The following P4HA1 variants were observed in gnomAD, a reference collection of about 807,000 sequenced individuals.
The protein encoded by P4HA1 is prolyl 4-hydroxylase subunit alpha 1.
A neutral mutation model predicts 72.8 loss-of-function variants in P4HA1; 24 were observed. The ratio of observed to expected loss-of-function variants is 0.33; its 90% CI spans 0.24 to 0.46. P4HA1 has a LOEUF of 0.46. Ranked by LOEUF, P4HA1 falls within the 20% of genes least tolerant of loss-of-function variation. P4HA1 has a pLI of 1.00. For missense variants in P4HA1, 446 were observed against 640.6 expected (o/e 0.70, Z 3.28); for synonymous variants, 201 against 218.8 (o/e 0.92, Z 0.72).
At chr10:73,040,501 G>T in intron 9 of P4HA1, among the ~76,000 whole-genome samples, 2 of 139,640 alleles carry the variant, frequency 1.4e-5, no homozygotes, top group Admixed American at 7.3e-5. Context: ...TTTTTGAGAT[G>T]GATCTCTCTC....
intron 3 of P4HA1, among the ~76,000 whole-genome samples, 184 bp downstream of exon 3, chr10:73,073,547 C>T (rs1328935773): frequency 6.6e-6 from 1 of 152,164 alleles, no homozygotes; most frequent in Non-Finnish European, 1.5e-5. Context: ...CTTATCCCAA[C>T]CCATATTCTT....
At chr10:73,014,067 A>G (rs41315002) in intron 12 of P4HA1, among the ~76,000 whole-genome samples, 157 bp downstream of exon 12, 16,246 of 152,216 alleles carry the variant, frequency 0.11, 1,254 homozygotes, top group East Asian at 0.29. Flanking sequence ...AGCCTGAAAA[A>G]GTTGCAAGTG....
chr10:73,020,906 G>GGAT (rs756244683), intron 10 of P4HA1, among the ~76,000 whole-genome samples: 1 of 152,170 alleles, frequency 6.6e-6, no homozygotes, highest in Non-Finnish European at 1.5e-5. Flanking sequence ...AGGCCAAAGT[G>GGAT]GATGGATCAC....
Position 73,009,869 on chromosome 10 carries a change from C to G in P4HA1, c.1472G>C (p.Ser491Thr). The G allele has an allele frequency of 6.2e-7, 1 of 1,610,922 alleles. No individual in the cohort carries two copies. The highest frequency in any genetic ancestry group is 8.5e-7 in the Non-Finnish European group (1 of 1,177,094). Residue 491 changes from serine (S) to threonine (T), a missense_variant, in exon 14 of 15, where the codon AGT becomes ACT. Coordinates refer to ENST00000394890, the MANE Select transcript of P4HA1 (RefSeq NM_001017962.3). ...CCGTGTACTATAATCTCCTTCTCCA[C>G]TGGCAAACAGATTATACCAGAAAAC... ...TAVFWYNLFA[S>T]GEGDYSTRHA... is the part of the protein sequence containing the mutation.
chr10:73,074,727 G>GT, intron 2 of P4HA1, 81 bp downstream of exon 2: 1 of 780,144 alleles, frequency 1.3e-6, no homozygotes, highest in Non-Finnish European at 2.3e-6. Context: ...CACTGTATTT[G>GT]TTTTTGCTGA....
intron 5 of P4HA1, among the ~76,000 whole-genome samples, chr10:73,057,197 A>G (rs1413148133): frequency 1.3e-5 from 2 of 151,898 alleles, no homozygotes; most frequent in African/African-American, 4.8e-5. Context: ...GCTAGTTAAA[A>G]CACAAAGACA....
intron 10 of P4HA1, among the ~76,000 whole-genome samples, chr10:73,017,738 G>A (rs1229207115): frequency 6.6e-6 from 1 of 152,092 alleles, no homozygotes; most frequent in Admixed American, 6.6e-5. Flanking sequence ...CCAGTGTGAC[G>A]CACCAAAATT....
chr10:73,024,441 C>T (rs536051523), intron 10 of P4HA1, among the ~76,000 whole-genome samples: 63 of 152,208 alleles, frequency 4.1e-4, no homozygotes, highest in African/African-American at 1.5e-3. Flanking sequence ...TCTTTGAAAC[C>T]AATGAGAACA....
intron 4 of P4HA1, among the ~76,000 whole-genome samples, chr10:73,071,518 T>G (rs182544666): frequency 6.6e-6 from 1 of 152,222 alleles, no homozygotes; most frequent in East Asian, 1.9e-4. Flanking sequence ...CATCTGTTAT[T>G]AAAGTATCTA....
chr10:73,045,949 A>G (rs182189172), intron 8 of P4HA1, among the ~76,000 whole-genome samples: 21 of 152,150 alleles, frequency 1.4e-4, no homozygotes, highest in African/African-American at 5.1e-4. Context: ...TGTAGTATAG[A>G]TATCCAGATA....
chr10:73,028,294 C>T (rs1396274271), intron 10 of P4HA1, among the ~76,000 whole-genome samples: 3 of 142,066 alleles, frequency 2.1e-5, no homozygotes, highest in Non-Finnish European at 3.0e-5. Flanking sequence ...GGCATCAAAC[C>T]GTGTCACTGT....
At chr10:73,027,258 C>A (rs904207419) in intron 10 of P4HA1, among the ~76,000 whole-genome samples, 4 of 151,998 alleles carry the variant, frequency 2.6e-5, no homozygotes, top group Admixed American at 1.3e-4. Flanking sequence ...CCATGGAATA[C>A]CATGCAGCCA....
At chr10:73,091,982 C>A (rs936666680) in intron 1 of P4HA1, among the ~76,000 whole-genome samples, 1 of 152,200 alleles carries the variant, frequency 6.6e-6, no homozygotes, top group South Asian at 2.1e-4. Context: ...GTATACTCAG[C>A]TTCATCCCTC....
At chr10:73,047,173 T>C in intron 7 of P4HA1, 72 bp from the exon 8 acceptor site, 2 of 1,043,164 alleles carry the variant, frequency 1.9e-6, no homozygotes, top group East Asian at 2.6e-5. Context: ...CCTATGCAGA[T>C]AAGAGACAAT....
chr10:73,074,361 G>A lies in P4HA1; in HGVS notation c.76+447C>T, dbSNP rs147467876. On this transcript the variant is annotated intron_variant, in intron 2 of 14. Coordinates refer to ENST00000394890, the MANE Select transcript of P4HA1 (RefSeq NM_001017962.3). ...CCAGGCGTGGCAGCTCATGCCTGTC[G>A]TAATCCCAGCACTTTGGAGGCCCAG... 1.2e-4 allele frequency among the ~76,000 whole-genome samples: 19 copies of A among 152,140 alleles called. No homozygotes were observed. In the East Asian group the frequency reaches 2.1e-3, roughly 17 times the overall value.
At chr10:73,056,539 G>A (rs1254490096) in intron 5 of P4HA1, among the ~76,000 whole-genome samples, 1 of 152,038 alleles carries the variant, frequency 6.6e-6, no homozygotes, top group Non-Finnish European at 1.5e-5. Context: ...GGCTGAGGCA[G>A]GAGAATCACT....
intron 12 of P4HA1, among the ~76,000 whole-genome samples, chr10:73,012,753 A>G (rs1839933494): frequency 6.6e-6 from 1 of 152,178 alleles, no homozygotes; most frequent in Non-Finnish European, 1.5e-5. Context: ...AAAAGTGATG[A>G]AATAACCAAA....
intron 9 of P4HA1, among the ~76,000 whole-genome samples, chr10:73,031,416 T>C (rs548088858): frequency 6.6e-6 from 1 of 152,280 alleles, no homozygotes; most frequent in Non-Finnish European, 1.5e-5. Context: ...GCATGGGAGT[T>C]TGAGGCTGCA....
intron 4 of P4HA1, 22 bp downstream of exon 4, chr10:73,072,007 T>C (rs1360918573): frequency 6.4e-7 from 1 of 1,572,408 alleles, no homozygotes; most frequent in South Asian, 1.1e-5. Context: ...ATTACCTTAC[T>C]CAGGAATCTC....
Sources: allele counts gnomAD v4.1 joint callset (sites outside exome capture counted in the v4.1 genomes callset), GRCh38; gene constraint gnomAD v4.1.1; transcripts MANE v1.5; gene names NCBI Gene and HGNC (gene_info 2026-07-23, HGNC 2026-07-21).